Variants in LDLRAD4 observed in about 807,000 individuals in gnomAD.
The protein encoded by LDLRAD4 is low density lipoprotein receptor class A domain containing 4, also known as low-density lipoprotein receptor class A domain-containing protein 4.
Under a neutral mutation model 17.0 loss-of-function variants are expected in LDLRAD4, and 5 were observed. That is an observed-to-expected ratio of 0.29 (90% confidence interval 0.15 to 0.62). The LOEUF (loss-of-function observed/expected upper bound fraction) is 0.62, where lower values mean the gene tolerates loss of function less well. Ranked by LOEUF, LDLRAD4 falls within the 20% of genes least tolerant of loss-of-function variation. The pLI is 0.84. For synonymous variants in LDLRAD4, 168 were observed against 171.8 expected, an observed-to-expected ratio of 0.98 and a Z score of 0.17; for missense variants, 340 against 424.7, an observed-to-expected ratio of 0.80 and a Z score of 1.75.
chr18:13,569,864 G>A (rs1441700734), intron 3 of LDLRAD4, among the ~76,000 whole-genome samples: 1 of 152,168 alleles, frequency 6.6e-6, no homozygotes, highest in Non-Finnish European at 1.5e-5. Flanking sequence ...CAGCCTGGGT[G>A]ACAAAGTGAG....
At chr18:13,499,361 CCG>C (rs1159705708) in intron 3 of LDLRAD4, among the ~76,000 whole-genome samples, 22 of 148,870 alleles carry the variant, frequency 1.5e-4, no homozygotes, top group African/African-American at 5.5e-4. Context: ...ACACGTCCTG[CCG>C]TGGACACTGG....
At chr18:13,348,321 G>A (rs1292893050) in intron 1 of LDLRAD4, among the ~76,000 whole-genome samples, 1 of 152,134 alleles carries the variant, frequency 6.6e-6, no homozygotes, top group African/African-American at 2.4e-5. Flanking sequence ...GTCTTTTGGA[G>A]TTTGCTGGAG....
At position 13,538,529 on chromosome 18, in the gene LDLRAD4, G is replaced by GTT. The variant is rs757970920; in HGVS notation, c.182-82588_182-82587insTT. Among the ~76,000 whole-genome samples the GTT allele has an allele frequency of 6.4e-4, 92 of 144,620 alleles. 2 individuals are homozygous for GTT. Among genetic ancestry groups the GTT allele is most frequent in the East Asian group, 2.4e-3 (12 of 5,008 alleles). 94.9% of individuals were successfully genotyped at this position (144,620 alleles called of 152,430 possible). ...TCTCATTTAAAATTTTGATGTCTAT[G>GTT]ATTTTTTTTTTTTTTGAGACAAGGT... On this transcript the variant is annotated intron_variant, in intron 3 of 5. Coordinates refer to ENST00000359446, the Ensembl canonical transcript of LDLRAD4.
At chr18:13,330,026 G>A (rs969786504) in intron 1 of LDLRAD4, among the ~76,000 whole-genome samples, 6 of 150,754 alleles carry the variant, frequency 4.0e-5, no homozygotes, top group African/African-American at 9.8e-5. Context: ...CGCGATCTCC[G>A]CTCACTGCAA....
intron 1 of LDLRAD4, among the ~76,000 whole-genome samples, chr18:13,296,681 A>G (rs1276018379): frequency 6.6e-6 from 1 of 152,080 alleles, no homozygotes; most frequent in Non-Finnish European, 1.5e-5. Context: ...CTGGCCATAA[A>G]CAGCCTTTTA....
chr18:13,558,167 C>A (rs557003338), intron 3 of LDLRAD4, among the ~76,000 whole-genome samples: 29 of 152,324 alleles, frequency 1.9e-4, no homozygotes, highest in Non-Finnish European at 3.7e-4. Flanking sequence ...GAAATTCTTA[C>A]CCTTGTGCAA....
intron 3 of LDLRAD4, chr18:13,612,576 C>A: frequency 6.6e-7 from 1 of 1,512,070 alleles, no homozygotes; most frequent in Admixed American, 2.1e-5. Context: ...ACACACTCTC[C>A]CACACCCCAT....
intron 3 of LDLRAD4, chr18:13,542,992 A>G (rs2094307864): frequency 6.6e-6 from 1 of 152,198 alleles, no homozygotes; most frequent in African/African-American, 2.4e-5. Context: ...CGTGGTAAAT[A>G]TGGCCCATAG....
At chr18:13,449,196 C>T (rs556890932) in intron 3 of LDLRAD4, among the ~76,000 whole-genome samples, 47 of 152,308 alleles carry the variant, frequency 3.1e-4, no homozygotes, top group Non-Finnish European at 6.2e-4. Flanking sequence ...TGTCCTTTTT[C>T]CAGACAGCTC....
intron 1 of LDLRAD4, among the ~76,000 whole-genome samples, chr18:13,288,383 A>G (rs891232556): frequency 3.9e-5 from 6 of 152,214 alleles, no homozygotes; most frequent in Non-Finnish European, 7.3e-5. Flanking sequence ...TAGTTTAGCT[A>G]TCCATATTAG....
chr18:13,536,562 A>G (rs1440060629), intron 3 of LDLRAD4, among the ~76,000 whole-genome samples: 5 of 151,134 alleles, frequency 3.3e-5, no homozygotes, highest in Non-Finnish European at 7.4e-5. Context: ...TTTTGAACAG[A>G]GACGCTGTTT....
At chr18:13,574,960 T>G (rs2094748227) in intron 3 of LDLRAD4, among the ~76,000 whole-genome samples, 1 of 152,250 alleles carries the variant, frequency 6.6e-6, no homozygotes, top group Non-Finnish European at 1.5e-5. Context: ...GGACAGGATA[T>G]GTCATCTAAC....
At chr18:13,641,949 G>A in intron 4 of LDLRAD4, 1 of 985,446 alleles carries the variant, frequency 1.0e-6, no homozygotes, top group African/African-American at 1.7e-5. Flanking sequence ...CCCGGAGCGA[G>A]GAGCGCCCCT....
intron 4 of LDLRAD4, among the ~76,000 whole-genome samples, chr18:13,635,968 T>TGA (rs1555779161): frequency 2.8e-4 from 42 of 147,830 alleles, no homozygotes; most frequent in African/African-American, 1.0e-3. Context: ...TGTGTGTGTG[T>TGA]GATTGTGCCT....
chr18:13,254,269 G>A (rs2043384016), intron 1 of LDLRAD4, among the ~76,000 whole-genome samples: 1 of 152,244 alleles, frequency 6.6e-6, no homozygotes, highest in East Asian at 1.9e-4. Context: ...CTGATGGGGT[G>A]AGGAGTGAGG....
At chr18:13,426,860 C>T (rs2089975066) in intron 2 of LDLRAD4, among the ~76,000 whole-genome samples, 1 of 152,170 alleles carries the variant, frequency 6.6e-6, no homozygotes, top group Admixed American at 6.5e-5. Context: ...GTTTATGTAG[C>T]CCACGCCCTA....
At chr18:13,466,204 C>A (rs2092610426) in intron 3 of LDLRAD4, among the ~76,000 whole-genome samples, 1 of 152,148 alleles carries the variant, frequency 6.6e-6, no homozygotes, top group Non-Finnish European at 1.5e-5. Flanking sequence ...GGCACGGTGG[C>A]TCAGGCCTGT....
chr18:13,615,570 A>G (rs966201836), intron 3 of LDLRAD4: 11 of 152,216 alleles, frequency 7.2e-5, no homozygotes, highest in African/African-American at 2.4e-4. Flanking sequence ...ACTTCACACC[A>G]CTTCTTCTGT....
intron 1 of LDLRAD4, among the ~76,000 whole-genome samples, chr18:13,303,442 CTT>C (rs1315661416): frequency 6.6e-6 from 1 of 152,054 alleles, no homozygotes; most frequent in Non-Finnish European, 1.5e-5. Flanking sequence ...TTCTCTCGCT[CTT>C]TCTCTCTCTC....
Sources: allele counts gnomAD v4.1 joint callset (sites outside exome capture counted in the v4.1 genomes callset), GRCh38; gene constraint gnomAD v4.1.1; transcripts MANE v1.5; gene names NCBI Gene and HGNC (gene_info 2026-07-23, HGNC 2026-07-21).